Variants in CFAP46 observed in about 807,000 individuals in gnomAD.
CFAP46 encodes the protein cilia and flagella associated protein 46.
CFAP46 carries 245 observed loss-of-function variants against 325.7 expected under a neutral mutation model. The observed-to-expected ratio is 0.75, with a 90% CI of 0.68 to 0.84. The LOEUF (loss-of-function observed/expected upper bound fraction) is 0.84, where lower values mean the gene tolerates loss of function less well. Ranked by LOEUF, CFAP46 falls within the 40% of genes least tolerant of loss-of-function variation. The pLI is 0.00. For synonymous variants in CFAP46, 1,523 were observed against 1,495.9 expected (o/e 1.02, Z -0.42); for missense variants, 3,346 against 3,543.0 (o/e 0.94, Z 1.41).
chr10:132,810,530 G>A (rs572111487), intron 56 of CFAP46, 41 bp from the exon 57 acceptor site: 8 of 1,579,474 alleles, frequency 5.1e-6, no homozygotes, highest in Admixed American at 5.0e-5. Context: ...TGGACACCCT[G>A]GCAGCCTTGC....
chr10:132,851,049 G>A (rs778919541), intron 40 of CFAP46, 68 bp downstream of exon 40: 21 of 1,574,798 alleles, frequency 1.3e-5, no homozygotes, highest in East Asian at 4.5e-5. Context: ...CTGCTGGAAC[G>A]GGGGTCCCAT....
In CFAP46 at chr10:132,922,606, C is replaced by T. The variant is rs980576106; in HGVS notation, c.1359G>A (p.Ala453=). 10 of 1,549,400 alleles carry T rather than the reference C, an allele frequency of 6.5e-6. No homozygotes were observed. The highest frequency in any genetic ancestry group is 1.7e-4 in the Middle Eastern group (1 of 5,920). The change falls in exon 12 of 58, where the codon GCG becomes GCA. Residue 453 remains alanine, a synonymous_variant. Transcript: ENST00000368586. The part of the protein sequence containing the change: ...EPATEHLRKA[A]RLDSLGLYRD... Reference sequence around the variant, plus strand: ...GGTAGAGGCCCAGGCTGTCCAGGCGCGCGGCTTTCCGGAGGTGCTCCGTGG... The same window carrying T: ...GGTAGAGGCCCAGGCTGTCCAGGCGTGCGGCTTTCCGGAGGTGCTCCGTGG...
intron 9 of CFAP46, among the ~76,000 whole-genome samples, chr10:132,927,602 C>G (rs1324702623): frequency 6.6e-6 from 1 of 152,198 alleles, no homozygotes; most frequent in Non-Finnish European, 1.5e-5. Context: ...ACTAAGGAAG[C>G]CATGCCAGGC....
In CFAP46 at chr10:132,814,608, G is replaced by A. The variant is rs375540963; in HGVS notation, c.7254C>T (p.Val2418=). 1.7e-5 allele frequency: 26 copies of A among 1,575,468 alleles called. No individual in the cohort carries two copies. The highest frequency in any genetic ancestry group is 1.1e-4 in the African/African-American group (8 of 74,676). The change falls in exon 53 of 58, where the codon GTC becomes GTT. Residue 2418 remains valine (V), a synonymous_variant. Transcript: ENST00000368586. ...IIVDSDNFKF[V]VDPYEEAQGP... is the part of the protein sequence containing the mutation. ...CCTGGGCCTCCTCGTATGGGTCCACGACGACTGGGTCCCGGTCAAGGAGAA... is the reference window on the plus strand; with the variant it reads ...CCTGGGCCTCCTCGTATGGGTCCACAACGACTGGGTCCCGGTCAAGGAGAA...
intron 57 of CFAP46, among the ~76,000 whole-genome samples, chr10:132,809,556 A>T (rs1197398056): frequency 6.6e-6 from 1 of 152,112 alleles, no homozygotes; most frequent in African/African-American, 2.4e-5. Context: ...TTACACGATA[A>T]GCTCCTGGTG....
At chr10:132,935,067 A>G (rs1377508437) in intron 7 of CFAP46, among the ~76,000 whole-genome samples, 1 of 151,966 alleles carries the variant, frequency 6.6e-6, no homozygotes, top group Non-Finnish European at 1.5e-5. Context: ...CGGCCTTCCT[A>G]CAAGGCTGGA....
chr10:132,912,281 T>C (rs1849554304), intron 19 of CFAP46, among the ~76,000 whole-genome samples: 1 of 83,072 alleles, frequency 1.2e-5, no homozygotes, highest in Non-Finnish European at 2.4e-5. Flanking sequence ...TCTTCTCCTC[T>C]CTCCTCCTCT....
intron 32 of CFAP46, among the ~76,000 whole-genome samples, chr10:132,871,660 TG>T (rs1848897183): frequency 6.6e-6 from 1 of 152,230 alleles, no homozygotes; most frequent in African/African-American, 2.4e-5. Context: ...GGCACTGAAT[TG>T]CTGCAATCTC....
At chr10:132,845,493 G>A (rs1848418248) in intron 44 of CFAP46, among the ~76,000 whole-genome samples, 1 of 152,248 alleles carries the variant, frequency 6.6e-6, no homozygotes, top group Non-Finnish European at 1.5e-5. Context: ...GAGAGGACCA[G>A]GGAGGCAGCC....
At chr10:132,907,699 GC>G (rs1849476052) in intron 22 of CFAP46, among the ~76,000 whole-genome samples, 1 of 152,286 alleles carries the variant, frequency 6.6e-6, no homozygotes, top group African/African-American at 2.4e-5. Flanking sequence ...AAATTCCCAT[GC>G]TGGGCGATCC....
At chr10:132,855,791 T>C (rs1848633267) in intron 39 of CFAP46, among the ~76,000 whole-genome samples, 1 of 152,230 alleles carries the variant, frequency 6.6e-6, no homozygotes, top group African/African-American at 2.4e-5. Context: ...TTTATGCTAT[T>C]GTTGTCGTAC....
At chr10:132,912,592 TCTCTC>T (rs1849567318) in intron 19 of CFAP46, 58 bp downstream of exon 19, 3 of 1,331,516 alleles carry the variant, frequency 2.3e-6, no homozygotes, top group Non-Finnish European at 9.9e-7. Flanking sequence ...CTCCTCTCTC[TCTCTC>T]CTCTCTCCTC....
chr10:132,867,543 C>G, intron 33 of CFAP46, 36 bp from the exon 34 acceptor site: 1 of 1,540,830 alleles, frequency 6.5e-7, no homozygotes, highest in Non-Finnish European at 8.7e-7. Flanking sequence ...GCAAGAGCCA[C>G]ATGGCCACGA....
intron 44 of CFAP46, among the ~76,000 whole-genome samples, chr10:132,837,924 C>T (rs573296462): frequency 5.9e-5 from 9 of 152,208 alleles, no homozygotes; most frequent in East Asian, 5.8e-4. Flanking sequence ...GACCCAGACA[C>T]GCAGACATGC....
rs1415021857 is a variant in CFAP46 at position 132,869,548 on chromosome 10, T to G, written c.4512-176A>C. 1.3e-5 allele frequency among the ~76,000 whole-genome samples: 2 copies of G among 152,152 alleles called. No individual in the cohort carries two copies. The highest frequency in any genetic ancestry group is 2.4e-5 in the African/African-American group (1 of 41,420). On this transcript the variant is annotated intron_variant, in intron 32 of 57. Coordinates refer to ENST00000368586, the MANE Select transcript of CFAP46 (RefSeq NM_001200049.3). The surrounding 1 kb of genome is among the most constrained non-coding windows in gnomAD (Gnocchi z 6.2). ...TTACTAGGGAAAAGTGCCCGGTAGC[T>G]CCATCAAATTTCAAGTGGGATTCTT...
At chr10:132,895,506 A>G (rs138360471) in intron 24 of CFAP46, among the ~76,000 whole-genome samples, 293 of 152,252 alleles carry the variant, frequency 1.9e-3, no homozygotes, top group Non-Finnish European at 2.0e-3. Flanking sequence ...TGTGTGTGCT[A>G]TACTGGAAAA....
chr10:132,863,625 G>A (rs756163021), intron 35 of CFAP46, among the ~76,000 whole-genome samples: 9 of 146,234 alleles, frequency 6.2e-5, no homozygotes, highest in African/African-American at 2.3e-4. Flanking sequence ...TATCAGAGAC[G>A]TGCATACACT....
rs184214989 is a variant in CFAP46 at position 132,828,773 on chromosome 10, G to T, written c.7117+4585C>A. On this transcript the variant is annotated intron_variant, in intron 50 of 57. Transcript: ENST00000368586. This position sits in a 1 kb window ranked among gnomAD's most constrained non-coding sequence, Gnocchi z 4.9. ...ATTTTCCTGCGTGGCGTGCGGCCTC[G>T]TTTTTGTTGTGTTTCGTTCTGCACT... 1.3e-5 allele frequency among the ~76,000 whole-genome samples: 2 copies of T among 152,108 alleles called. No homozygotes were observed. The highest frequency in any genetic ancestry group is 3.9e-4 in the East Asian group (2 of 5,186).
intron 47 of CFAP46, 67 bp downstream of exon 47, chr10:132,835,237 G>A (rs1848220923): frequency 6.3e-7 from 1 of 1,583,858 alleles, no homozygotes. Flanking sequence ...CCTCGCCAGG[G>A]TCCTGGCTCC....
Sources: allele counts gnomAD v4.1 joint callset (sites outside exome capture counted in the v4.1 genomes callset), GRCh38; gene constraint gnomAD v4.1.1; non-coding constraint Gnocchi (gnomAD v3.1); transcripts MANE v1.5; gene names NCBI Gene and HGNC (gene_info 2026-07-23, HGNC 2026-07-21).